The following GRID2 variants were observed in gnomAD, a reference collection of about 807,000 sequenced individuals.
The protein encoded by GRID2 is glutamate ionotropic receptor delta type subunit 2.
GRID2 carries 33 observed loss-of-function variants against 114.8 expected under a neutral mutation model. The observed-to-expected ratio is 0.29, with a 90% confidence interval of 0.22 to 0.38. The LOEUF is 0.38. Ranked by LOEUF, GRID2 falls within the 10% of genes least tolerant of loss-of-function variation. The probability of loss-of-function intolerance (pLI) is 1.00; values close to 1 mark genes in which losing one functional copy is unlikely to be tolerated. For synonymous variants in GRID2, 505 were observed against 449.9 expected (o/e 1.12, Z -1.55); for missense variants, 1,184 against 1,257.7 (o/e 0.94, Z 0.89).
intron 13 of GRID2, among the ~76,000 whole-genome samples, chr4:93,591,183 G>C (rs1171243242): frequency 2.7e-5 from 4 of 149,438 alleles, no homozygotes; most frequent in Non-Finnish European, 6.0e-5. Flanking sequence ...TATGATATTG[G>C]CTGTGGGTTT....
Position 92,395,271 on chromosome 4 carries a change from TATG to T in GRID2, c.88+90530_88+90532del, listed in dbSNP as rs576545421. ...AATTCATAATAAGGTAGGGATATAGTATGATTTATGTACCCTTTGATCTCACAA... is the reference window on the plus strand; with the variant it reads ...AATTCATAATAAGGTAGGGATATAGTATTTATGTACCCTTTGATCTCACAA... On this transcript the variant is annotated intron_variant, in intron 1 of 15. Transcript: ENST00000282020. Among the ~76,000 whole-genome samples the T allele has an allele frequency of 7.4e-3, 1,121 of 151,784 alleles. 13 individuals are homozygous for T. Among genetic ancestry groups the T allele is most frequent in the Non-Finnish European group, 0.012 (803 of 67,688 alleles).
chr4:93,056,804 T>G (rs975859336), intron 2 of GRID2, among the ~76,000 whole-genome samples: 5 of 151,930 alleles, frequency 3.3e-5, no homozygotes, highest in Non-Finnish European at 7.4e-5. Flanking sequence ...TCTCACCTAT[T>G]GCTTAGCTAC....
intron 8 of GRID2, among the ~76,000 whole-genome samples, chr4:93,384,107 C>T (rs1340621864): frequency 2.6e-5 from 4 of 152,144 alleles, no homozygotes; most frequent in African/African-American, 9.7e-5. Context: ...GCACATCTTG[C>T]AGAAGGGGTG....
chr4:93,680,368 A>C (rs1012929247), intron 14 of GRID2, among the ~76,000 whole-genome samples: 1 of 151,864 alleles, frequency 6.6e-6, no homozygotes, highest in African/African-American at 2.4e-5. Context: ...AACTGGTACC[A>C]TTCCTTCTGA....
chr4:92,598,515 T>A (rs923926168), intron 2 of GRID2, among the ~76,000 whole-genome samples: 1 of 152,134 alleles, frequency 6.6e-6, no homozygotes, highest in African/African-American at 2.4e-5. Context: ...TAAACTTGGT[T>A]TCATTTACCT....
Position 93,216,777 on chromosome 4 carries a change from T to A in GRID2, c.829T>A (p.Ser277Thr). The change falls in exon 6 of 16, where the codon TCA (serine) becomes ACA (threonine). Residue 277 changes from serine to threonine, a missense_variant. Physicochemically the swap from Ser to Thr is moderately conservative, Grantham distance 58. Around this residue, in one of 3 missense-constraint regions of GRID2, gnomAD observed 455 missense variants for 429.5 expected, o/e 1.06. Transcript: ENST00000282020. ...GGACGTACAGGAACTTGTAAGAAGGTCAATTGGAAGGTTAACGATTATTCG... is the reference window on the plus strand; with the variant it reads ...GGACGTACAGGAACTTGTAAGAAGGACAATTGGAAGGTTAACGATTATTCG... ...DVDVQELVRR[S>T]IGRLTIIRQT... The A allele has an allele frequency of 6.2e-7, 1 of 1,612,334 alleles. No homozygotes were observed. The highest frequency in any genetic ancestry group is 8.5e-7 in the Non-Finnish European group (1 of 1,178,552).
chr4:93,099,293 C>T (rs1230536098), intron 3 of GRID2, among the ~76,000 whole-genome samples: 1 of 151,292 alleles, frequency 6.6e-6, no homozygotes, highest in Non-Finnish European at 1.5e-5. Context: ...TTTTAAAATC[C>T]CTTTTAGAAC....
rs139634743 is a variant in GRID2, at chr4:92,673,991, TAAAAA to T, written c.244+83708_244+83712del. On this transcript the variant is annotated intron_variant, in intron 2 of 15. Transcript: ENST00000282020. ...AAGTATAATAAAAATAAAAAATAAA[TAAAAA>T]AAGAAGGCAGTTGACATTCCTTTTA... Among the ~76,000 whole-genome samples, 71 of 152,014 alleles carry T rather than the reference TAAAAA, an allele frequency of 4.7e-4. No individual in the cohort carries two copies. In the East Asian group the frequency reaches 0.01, roughly 22 times the overall value.
intron 2 of GRID2, among the ~76,000 whole-genome samples, chr4:93,026,861 T>C (rs554374237): frequency 6.6e-6 from 1 of 152,148 alleles, no homozygotes; most frequent in South Asian, 2.1e-4. Flanking sequence ...TTTAACCTGC[T>C]TACTTTTTAA....
At chr4:92,981,730 C>T (rs867493335) in intron 2 of GRID2, among the ~76,000 whole-genome samples, 1 of 151,918 alleles carries the variant, frequency 6.6e-6, no homozygotes, top group Middle Eastern at 3.4e-3. Flanking sequence ...GAGACATGGT[C>T]TTAATAATTC....
chr4:92,405,641 AG>A (rs1258347286), intron 1 of GRID2, among the ~76,000 whole-genome samples: 1 of 152,012 alleles, frequency 6.6e-6, no homozygotes, highest in Non-Finnish European at 1.5e-5. Flanking sequence ...GCAATACATA[AG>A]GGAAAAAAGT....
Position 92,398,551 on chromosome 4 carries a change from G to A in GRID2, c.88+93807G>A, listed in dbSNP as rs577559233. 2.1e-3 allele frequency among the ~76,000 whole-genome samples: 324 copies of A among 152,224 alleles called. 3 individuals carry two copies. Among genetic ancestry groups the A allele is most frequent in the South Asian group, 9.8e-3 (47 of 4,820 alleles). On this transcript the variant is annotated intron_variant, in intron 1 of 15. Coordinates refer to ENST00000282020, the MANE Select transcript of GRID2 (RefSeq NM_001510.4). ...TGGGCTCAAGTGATCTACCTGCCTC[G>A]GCCTTGCAAAGTGCTGGGATTACAG... is the stretch of plus-strand genomic sequence containing the variant.
chr4:93,186,001 G>GT (rs1740380324), intron 4 of GRID2, among the ~76,000 whole-genome samples: 1 of 152,066 alleles, frequency 6.6e-6, no homozygotes, highest in South Asian at 2.1e-4. Flanking sequence ...GCGGTGTTTG[G>GT]TTTTCTGTTC....
chr4:93,086,667 G>C (rs1730351749), intron 3 of GRID2, among the ~76,000 whole-genome samples: 1 of 151,924 alleles, frequency 6.6e-6, no homozygotes, highest in African/African-American at 2.4e-5. Context: ...GTTATTAAGG[G>C]GTCACAGAAC....
At chr4:92,547,245 C>T (rs1456700401) in intron 1 of GRID2, among the ~76,000 whole-genome samples, 3 of 152,048 alleles carry the variant, frequency 2.0e-5, no homozygotes, top group Non-Finnish European at 4.4e-5. Context: ...AATATGTATA[C>T]ACATGTATAA....
chr4:93,674,164 T>C (rs1724659999), intron 14 of GRID2, among the ~76,000 whole-genome samples: 1 of 152,172 alleles, frequency 6.6e-6, no homozygotes, highest in African/African-American at 2.4e-5. Context: ...AAGTATAAAG[T>C]CAAAACAAAT....
chr4:92,682,387 C>A (rs1157204431), intron 2 of GRID2, among the ~76,000 whole-genome samples: 2 of 152,134 alleles, frequency 1.3e-5, no homozygotes, highest in Non-Finnish European at 2.9e-5. Context: ...AGCAACAGCA[C>A]CATCACCTGG....
intron 1 of GRID2, among the ~76,000 whole-genome samples, chr4:92,461,508 C>A (rs553909751): frequency 1.3e-4 from 19 of 151,802 alleles, no homozygotes; most frequent in African/African-American, 4.6e-4. Context: ...TATGCTTTCT[C>A]GATATCTTTC....
intron 2 of GRID2, among the ~76,000 whole-genome samples, chr4:92,620,894 TA>T (rs1190886776): frequency 6.7e-6 from 1 of 149,926 alleles, no homozygotes; most frequent in East Asian, 2.0e-4. Flanking sequence ...TATACATATG[TA>T]ACAAACCTGC....
Sources: allele counts gnomAD v4.1 joint callset (sites outside exome capture counted in the v4.1 genomes callset), GRCh38; gene constraint gnomAD v4.1.1; regional missense constraint gnomAD v4.1.1; transcripts MANE v1.5; gene names NCBI Gene and HGNC (gene_info 2026-07-23, HGNC 2026-07-21).